Variants in TMEM255B observed in about 807,000 individuals in gnomAD.
TMEM255B encodes family with sequence similarity 70, member B.
Under a neutral mutation model 34.5 loss-of-function variants are expected in TMEM255B, and 35 were observed. The observed-to-expected ratio is 1.01, with a 90% CI of 0.77 to 1.34. The LOEUF is 1.34. Ranked by LOEUF, TMEM255B falls within the 40% of genes most tolerant of loss-of-function variation. TMEM255B has a pLI of 0.00. For synonymous variants in TMEM255B, 206 were observed against 201.2 expected, an observed-to-expected ratio of 1.02 and a Z score of -0.20; for missense variants, 432 against 433.2, an observed-to-expected ratio of 1.00 and a Z score of 0.02.
rs1308355067 is a variant in TMEM255B at position 113,770,160 on chromosome 13, G to A, written c.252+1000G>A. Reference sequence around the variant, plus strand: ...GAACTCACAGTTCCACGTGGCTGGGGAAGCCTCACGATCACGGCGGAAGGT... The same window carrying A: ...GAACTCACAGTTCCACGTGGCTGGGAAAGCCTCACGATCACGGCGGAAGGT... On this transcript the variant is annotated intron_variant, in intron 3 of 8. Coordinates refer to ENST00000375353, the MANE Select transcript of TMEM255B (RefSeq NM_182614.4). The surrounding 1 kb of genome is among the most constrained non-coding windows in gnomAD (Gnocchi z 4.6). Among the ~76,000 whole-genome samples, 3 of 152,208 alleles carry A rather than the reference G, an allele frequency of 2.0e-5. No individual in the cohort carries two copies. In the East Asian group the frequency reaches 5.8e-4, roughly 29 times the overall value.
Position 113,815,298 on chromosome 13 carries a change from AG to A in TMEM255B, c.*3398del, listed in dbSNP as rs979542153. 6.6e-6 allele frequency: 1 copy of A among 150,638 alleles called. No individual in the cohort carries two copies. Among genetic ancestry groups the A allele is most frequent in the Non-Finnish European group, 1.5e-5 (1 of 67,844 alleles). The allele number at this position is 150,638 out of a possible 1,614,324, so 9.3% of individuals were successfully genotyped here. A position where few individuals can be genotyped will look rare whatever the true frequency, so the allele number is the denominator to read the frequency against. ...GGGGTCACCGGCCACGGAGAGAGGA[AG>A]GGACATGGGTGACGGTCCGTCCACG... On this transcript the variant is annotated 3_prime_UTR_variant, in exon 9 of 9. Coordinates refer to ENST00000375353, the MANE Select transcript of TMEM255B (RefSeq NM_182614.4).
At chr13:113,774,361 A>G (rs2050524869) in intron 3 of TMEM255B, among the ~76,000 whole-genome samples, 15 of 152,158 alleles carry the variant, frequency 9.9e-5, no homozygotes, top group Admixed American at 9.8e-4. Flanking sequence ...TCCTCACCCA[A>G]ACAGACATAT....
intron 2 of TMEM255B, chr13:113,768,039 A>G (rs1394733525): frequency 1.1e-5 from 4 of 367,428 alleles, no homozygotes; most frequent in African/African-American, 8.5e-5. Context: ...ACAGACAATT[A>G]CAGAAAAGGC....
chr13:113,805,525 C>G (rs1425088207), intron 8 of TMEM255B, among the ~76,000 whole-genome samples: 1 of 152,216 alleles, frequency 6.6e-6, no homozygotes, highest in Non-Finnish European at 1.5e-5. Context: ...GACAGTGGCC[C>G]CTGCCTGCCT....
chr13:113,791,519 G>A (rs1240892506), intron 3 of TMEM255B, among the ~76,000 whole-genome samples: 1 of 152,182 alleles, frequency 6.6e-6, no homozygotes, highest in African/African-American at 2.4e-5. Flanking sequence ...GTGGACAGAT[G>A]TCCCCTTGGG....
chr13:113,802,899 C>T lies in TMEM255B; in HGVS notation c.669+1087C>T, dbSNP rs186064910. ...GTCCTTGCTCTGTGGTGACAGCCGGCCGGCCCCTGCGGTGGGAGCGGGAGT... is the reference window on the plus strand; with the variant it reads ...GTCCTTGCTCTGTGGTGACAGCCGGTCGGCCCCTGCGGTGGGAGCGGGAGT... On this transcript the variant is annotated intron_variant, in intron 7 of 8. Coordinates refer to ENST00000375353, the MANE Select transcript of TMEM255B (RefSeq NM_182614.4). 2.8e-4 allele frequency among the ~76,000 whole-genome samples: 42 copies of T among 148,226 alleles called. 1 individual carries two copies. The East Asian group carries it at 7.2e-3, about 25-fold the overall frequency.
chr13:113,794,164 A>G (rs1301697077), intron 3 of TMEM255B, among the ~76,000 whole-genome samples: 1 of 152,198 alleles, frequency 6.6e-6, no homozygotes, highest in African/African-American at 2.4e-5. Flanking sequence ...CTCTCTCCAC[A>G]TACTTGGCTC....
At chr13:113,778,897 T>TG (rs1447462068) in intron 3 of TMEM255B, among the ~76,000 whole-genome samples, 1 of 152,142 alleles carries the variant, frequency 6.6e-6, no homozygotes, top group Non-Finnish European at 1.5e-5. Flanking sequence ...CTGTAAGAGT[T>TG]GAAGAAAGAA....
At chr13:113,774,848 C>T (rs1341178608) in intron 3 of TMEM255B, among the ~76,000 whole-genome samples, 2 of 150,930 alleles carry the variant, frequency 1.3e-5, no homozygotes, top group Non-Finnish European at 3.0e-5. Flanking sequence ...ACACAACACA[C>T]AATGCACACC....
Position 113,773,767 on chromosome 13 carries a change from C to T in TMEM255B, c.252+4607C>T, listed in dbSNP as rs926965594. 6.6e-5 allele frequency among the ~76,000 whole-genome samples: 10 copies of T among 152,220 alleles called. 1 individual carries two copies. The highest frequency in any genetic ancestry group is 2.4e-4 in the African/African-American group (10 of 41,440). ...AGGAAACTTACTGAAGCATTTCAGC[C>T]TCAGTTTCTTCATTTGCATGGTGGC... On this transcript the variant is annotated intron_variant, in intron 3 of 8. Coordinates refer to ENST00000375353, the MANE Select transcript of TMEM255B (RefSeq NM_182614.4).
At chr13:113,808,629 G>T (rs1008650141) in intron 8 of TMEM255B, among the ~76,000 whole-genome samples, 4 of 150,932 alleles carry the variant, frequency 2.7e-5, no homozygotes, top group Non-Finnish European at 5.9e-5. Context: ...TTTATTCCGT[G>T]GTTCCTGGGT....
intron 2 of TMEM255B, among the ~76,000 whole-genome samples, chr13:113,766,772 C>T (rs577648005): frequency 2.9e-4 from 44 of 152,338 alleles, no homozygotes; most frequent in Admixed American, 1.2e-3. Context: ...GTATTAGTGA[C>T]GTGATCGCGT....
At chr13:113,766,325 G>C in intron 2 of TMEM255B, 68 bp downstream of exon 2, 1 of 1,604,158 alleles carries the variant, frequency 6.2e-7, no homozygotes. Flanking sequence ...TCAGGGTGGA[G>C]TCCACGCCAG....
intron 8 of TMEM255B, among the ~76,000 whole-genome samples, chr13:113,808,897 C>T (rs79379937): frequency 0.069 from 8,448 of 122,826 alleles, 396 homozygotes; most frequent in Admixed American, 0.14. Flanking sequence ...GGGTTTGCTC[C>T]ATGGTTCCTG....
At position 113,801,796 on chromosome 13, in the gene TMEM255B, G is replaced by T. The variant is rs534248120; in HGVS notation, c.653G>T (p.Gly218Val). Reference sequence around the variant, plus strand: ...GGCATCATCACCGCCGCCGTCCTGGGGGCCTTCAAGGACATGGTGAGGCCC... The same window carrying T: ...GGCATCATCACCGCCGCCGTCCTGGTGGCCTTCAAGGACATGGTGAGGCCC... ...FLGIITAAVL[G>V]AFKDMVPLSQ... The change falls in exon 7 of 9, where the codon GGG becomes GTG. Residue 218 changes from glycine to valine, a missense_variant. Transcript: ENST00000375353. 6.2e-6 allele frequency: 10 copies of T among 1,609,062 alleles called. No individual in the cohort carries two copies. In the African/African-American group the frequency reaches 1.1e-4, roughly 17 times the overall value.
At chr13:113,786,553 CA>C (rs1173811682) in intron 3 of TMEM255B, among the ~76,000 whole-genome samples, 6 of 151,920 alleles carry the variant, frequency 3.9e-5, no homozygotes, top group African/African-American at 9.7e-5. Context: ...TCACCATCGT[CA>C]ACATCATCAC....
At chr13:113,783,952 A>G (rs1317268943) in intron 3 of TMEM255B, among the ~76,000 whole-genome samples, 1 of 152,142 alleles carries the variant, frequency 6.6e-6, no homozygotes, top group Non-Finnish European at 1.5e-5. Context: ...GCCTGAATAT[A>G]GGGAACCTCT....
chr13:113,774,474 C>T lies in TMEM255B; in HGVS notation c.252+5314C>T, dbSNP rs558958794. Among the ~76,000 whole-genome samples the T allele has an allele frequency of 7.4e-4, 113 of 152,270 alleles. 1 individual carries two copies. The Middle Eastern group carries it at 0.02, about 28-fold the overall frequency. ...TAAAACAGTGTTAACTGGCAATTCT[C>T]CTGTGCCCCACGTATGTGCACATGC... On this transcript the variant is annotated intron_variant, in intron 3 of 8. Transcript: ENST00000375353.
rs1566342254 is a variant in TMEM255B, at chr13:113,812,977, A to ACAGGTCC, written c.*1075_*1076insAGGTCCC. The ACAGGTCC allele has an allele frequency of 2.3e-4, 30 of 132,290 alleles. 1 individual carries two copies. The highest frequency in any genetic ancestry group is 6.9e-4 in the African/African-American group (25 of 36,354). 8.2% of individuals were successfully genotyped at this position (132,290 alleles called of 1,614,324 possible). ...GTGGGTCACGGGCCCCGGGTGGGTC[A>ACAGGTCC]CGGGTCCCGGGTGGGTCACGGGTCC... On this transcript the variant is annotated 3_prime_UTR_variant, in exon 9 of 9. Transcript: ENST00000375353.
Sources: gnomAD v4.1 joint callset for allele counts (sites outside exome capture counted in the v4.1 genomes callset) on GRCh38, gnomAD v4.1.1 for gene constraint, Gnocchi (gnomAD v3.1) non-coding constraint, MANE v1.5 for transcripts, NCBI Gene and HGNC (gene_info 2026-07-23, HGNC 2026-07-21) for gene names.